Variants in MINK1 observed in about 807,000 individuals in gnomAD.
The protein encoded by MINK1 is misshapen like kinase 1, also known as misshapen-like kinase 1.
A neutral mutation model predicts 178.4 loss-of-function variants in MINK1; 46 were observed. The ratio of observed to expected loss-of-function variants is 0.26; its 90% CI spans 0.20 to 0.33. The LOEUF (loss-of-function observed/expected upper bound fraction) is 0.33, where lower values mean the gene tolerates loss of function less well. MINK1 is among the 10% of genes least tolerant of loss of function. MINK1 has a pLI of 1.00. For missense variants in MINK1, 1,366 were observed against 1,814.9 expected (o/e 0.75, Z 4.49); for synonymous variants, 797 against 709.7 (o/e 1.12, Z -1.96).
At chr17:4,891,781 G>A (rs1968845253) in intron 16 of MINK1, 65 bp downstream of exon 16, 1 of 1,513,756 alleles carries the variant, frequency 6.6e-7, no homozygotes, top group Admixed American at 2.1e-5. Context: ...GGAGGGCAGT[G>A]AAGGGGCAGG....
chr17:4,873,303 A>T (rs1392574878), intron 1 of MINK1, among the ~76,000 whole-genome samples: 1 of 151,580 alleles, frequency 6.6e-6, no homozygotes, highest in Non-Finnish European at 1.5e-5. Flanking sequence ...ATCCTTTAAC[A>T]TCCCCAATTC....
intron 15 of MINK1, 102 bp from the exon 16 acceptor site, chr17:4,891,354 G>C: frequency 2.8e-6 from 4 of 1,427,838 alleles, no homozygotes; most frequent in Non-Finnish European, 3.7e-6. Flanking sequence ...TCCTTCAATG[G>C]AGGAAGGGGC....
At chr17:4,877,665 A>G (rs896056821) in intron 1 of MINK1, among the ~76,000 whole-genome samples, 3 of 150,812 alleles carry the variant, frequency 2.0e-5, no homozygotes, top group Admixed American at 1.3e-4. Flanking sequence ...CTTCACTTAA[A>G]ATGTGAGTAC....
intron 12 of MINK1, among the ~76,000 whole-genome samples, chr17:4,888,745 G>A (rs1458877443): frequency 1.5e-5 from 2 of 136,336 alleles, no homozygotes; most frequent in South Asian, 2.3e-4. Context: ...CCAGGGTGAC[G>A]AGTGCAGTGG....
intron 1 of MINK1, among the ~76,000 whole-genome samples, chr17:4,864,032 G>C (rs912570693): frequency 2.0e-5 from 3 of 151,792 alleles, no homozygotes; most frequent in African/African-American, 4.8e-5. Context: ...CAAATGATCC[G>C]CCTGCCTCGG....
At chr17:4,892,877 G>A in intron 19 of MINK1, 102 bp from the exon 20 acceptor site, 1 of 1,388,376 alleles carries the variant, frequency 7.2e-7, no homozygotes, top group Admixed American at 2.0e-5. Flanking sequence ...GGGAGGACCT[G>A]TGTGGGTATG....
chr17:4,895,476 T>A lies in MINK1; in HGVS notation c.3212T>A (p.Leu1071Gln), dbSNP rs1419292953. The change falls in exon 26 of 32, where the codon CTG becomes CAG. Residue 1071 changes from leucine to glutamine, a missense_variant. This residue lies in a region of MINK1 where 77 missense variants were observed against 119.5 expected (regional missense o/e 0.64). Transcript: ENST00000355280. The surrounding 1 kb of genome is among the most constrained non-coding windows in gnomAD (Gnocchi z 4.3). ...QQMDVLEGLN[L>Q]LITISGKRNK... is the part of the protein sequence containing the mutation. ...ATGGATGTGCTGGAGGGGCTCAACC[T>A]GCTCATCACCATCTCAGGTACAGGT... 2 of 1,587,834 alleles carry A rather than the reference T, an allele frequency of 1.3e-6. No homozygotes were observed. The highest frequency in any genetic ancestry group is 1.7e-6 in the Non-Finnish European group (2 of 1,165,206).
In MINK1 at chr17:4,895,858, A is replaced by G. The variant is rs200720990; in HGVS notation, c.3364+26A>G. 1 of 1,608,800 alleles carries G rather than the reference A, an allele frequency of 6.2e-7. No homozygotes were observed. Among genetic ancestry groups the G allele is most frequent in the Admixed American group, 1.7e-5 (1 of 59,542 alleles). On this transcript the variant is annotated intron_variant, in intron 27 of 31. Transcript: ENST00000355280. This position sits in a 1 kb window ranked among gnomAD's most constrained non-coding sequence, Gnocchi z 4.3. ...GTGAGGATGTCCCAACAGAGTGGCC[A>G]GCGCATACTTGTTCATGAAGAGAGA...
In MINK1 at chr17:4,896,872, C is replaced by T. The variant is rs1373715789; in HGVS notation, c.3915+59C>T. On this transcript the variant is annotated intron_variant, in intron 31 of 31. Coordinates refer to ENST00000355280, the MANE Select transcript of MINK1 (RefSeq NM_153827.5). The surrounding 1 kb of genome is among the most constrained non-coding windows in gnomAD (Gnocchi z 4.6). Reference sequence around the variant, plus strand: ...TCCCGGCTGCCATGACCCTAGGCCCCTGGGCAGAGTTCTGGGGAGAGGATG... The same window carrying T: ...TCCCGGCTGCCATGACCCTAGGCCCTTGGGCAGAGTTCTGGGGAGAGGATG... 6.6e-6 allele frequency: 10 copies of T among 1,508,920 alleles called. No homozygotes were observed. The highest frequency in any genetic ancestry group is 7.1e-6 in the Non-Finnish European group (8 of 1,131,412). The allele number at this position is 1,508,920 out of a possible 1,614,324, so 93.5% of individuals were successfully genotyped here.
chr17:4,877,091 GAAAA>G (rs1010571846), intron 1 of MINK1, among the ~76,000 whole-genome samples: 3 of 100,522 alleles, frequency 3.0e-5, no homozygotes, highest in African/African-American at 1.1e-4. Flanking sequence ...AGTCTCAAAA[GAAAA>G]AAAAAAAAAA....
chr17:4,852,392 G>T (rs570115806), intron 1 of MINK1, among the ~76,000 whole-genome samples: 1 of 151,932 alleles, frequency 6.6e-6, no homozygotes, highest in Non-Finnish European at 1.5e-5. Context: ...TTGGTGTCAC[G>T]AAAGAGTCAG....
In MINK1 at chr17:4,891,657, C is replaced by T. The variant is rs1028422612; in HGVS notation, c.1942C>T (p.Pro648Ser). The T allele has an allele frequency of 1.9e-6, 3 of 1,600,658 alleles. No individual in the cohort carries two copies. Among genetic ancestry groups the T allele is most frequent in the African/African-American group, 2.7e-5 (2 of 74,672 alleles). The change falls in exon 16 of 32, where the codon CCT becomes TCT. Residue 648 changes from proline to serine, a missense_variant. Around this residue, in one of 14 missense-constraint regions of MINK1, gnomAD observed 709 missense variants for 692.3 expected, o/e 1.02. Coordinates refer to ENST00000355280, the MANE Select transcript of MINK1 (RefSeq NM_153827.5). ...GAATTCAGACCCCACCTCTGAAGGA[C>T]CTGGCCCCAGCCCGAATCCCCCAGC... Reference protein sequence around the residue: ...RQNSDPTSEGPGPSPNPPAWV... With the variant: ...RQNSDPTSEGSGPSPNPPAWV...
Position 4,893,040 on chromosome 17 carries a change from C to A in MINK1, c.2373C>A (p.Asp791Glu), listed in dbSNP as rs1216548542. 61 of 1,574,680 alleles carry A rather than the reference C, an allele frequency of 3.9e-5. No individual in the cohort carries two copies. Among genetic ancestry groups the A allele is most frequent in the Non-Finnish European group, 5.1e-5 (59 of 1,162,134 alleles). Reference sequence around the variant, plus strand: ...CTGGGAATAAAGCCAAGCCCGACGACCACCGCTCACGGCCAGGCCGGCCCG... The same window carrying A: ...CTGGGAATAAAGCCAAGCCCGACGAACACCGCTCACGGCCAGGCCGGCCCG... ...LSPGNKAKPD[D>E]HRSRPGRPAD... The change falls in exon 20 of 32, where the codon GAC becomes GAA. Residue 791 changes from aspartate to glutamate, a missense_variant. By Grantham distance (45) the Asp-to-Glu change is conservative. This residue lies in a region of MINK1 where 709 missense variants were observed against 692.3 expected (regional missense o/e 1.02). Coordinates refer to ENST00000355280, the MANE Select transcript of MINK1 (RefSeq NM_153827.5).
intron 1 of MINK1, among the ~76,000 whole-genome samples, chr17:4,872,449 G>C (rs1322698514): frequency 6.6e-6 from 1 of 151,940 alleles, no homozygotes; most frequent in Non-Finnish European, 1.5e-5. Flanking sequence ...ACCAGCCTGG[G>C]CAACACGGTG....
chr17:4,892,364 C>CA (rs1238243729), intron 17 of MINK1, 38 bp from the exon 18 acceptor site: 1 of 1,470,430 alleles, frequency 6.8e-7, no homozygotes, highest in Non-Finnish European at 9.3e-7. Flanking sequence ...TCAGCGCCCC[C>CA]CCGCCGCCCC....
At chr17:4,846,609 C>T (rs902976319) in intron 1 of MINK1, among the ~76,000 whole-genome samples, 6 of 152,294 alleles carry the variant, frequency 3.9e-5, no homozygotes, top group Middle Eastern at 3.4e-3. Context: ...CCATCACCAT[C>T]GCCAATACAA....
chr17:4,843,709 C>T (rs990976111), intron 1 of MINK1, among the ~76,000 whole-genome samples: 1 of 152,104 alleles, frequency 6.6e-6, no homozygotes, highest in African/African-American at 2.4e-5. Context: ...CTCACAAGAA[C>T]CCTTTGAGGT....
chr17:4,889,584 T>A, intron 12 of MINK1, 63 bp from the exon 13 acceptor site: 1 of 1,332,008 alleles, frequency 7.5e-7, no homozygotes, highest in East Asian at 2.5e-5. Flanking sequence ...TCCCTGTCCA[T>A]GGAGGGGCAG....
rs1177762501 is a variant in MINK1 at position 4,896,339 on chromosome 17, G to A, written c.3612G>A (p.Val1204=). 3 of 1,599,452 alleles carry A rather than the reference G, an allele frequency of 1.9e-6. No homozygotes were observed. Among genetic ancestry groups the A allele is most frequent in the Non-Finnish European group, 2.6e-6 (3 of 1,172,014 alleles). ...SGNSYDIYIP[V]HIQSQITPHA... is the part of the protein sequence containing the mutation. ...ACAGCTATGACATCTACATCCCTGT[G>A]CACGTGAGCTTGGCGGGGCTGCTGG... Residue 1204 remains valine, a synonymous_variant, in exon 29 of 32, where the codon GTG becomes GTA. Transcript: ENST00000355280. This position sits in a 1 kb window ranked among gnomAD's most constrained non-coding sequence, Gnocchi z 4.6.
Sources: gnomAD v4.1 joint callset for allele counts (sites outside exome capture counted in the v4.1 genomes callset) on GRCh38, gnomAD v4.1.1 for gene constraint, gnomAD v4.1.1 regional missense constraint, Gnocchi (gnomAD v3.1) non-coding constraint, MANE v1.5 for transcripts, NCBI Gene and HGNC (gene_info 2026-07-23, HGNC 2026-07-21) for gene names.